ZMAT4: variants seen among roughly 807,000 people sequenced by gnomAD.
ZMAT4 encodes zinc finger matrin-type 4.
In ZMAT4, 17 loss-of-function variants were observed where a neutral mutation model predicts 28.7. The ratio of observed to expected loss-of-function variants is 0.59; its 90% CI spans 0.41 to 0.89. ZMAT4 has a LOEUF of 0.89. Ranked by LOEUF, ZMAT4 falls within the 40% of genes least tolerant of loss-of-function variation. The pLI is 0.00. For synonymous variants in ZMAT4, 117 were observed against 109.2 expected, an observed-to-expected ratio of 1.07 and a Z score of -0.44; for missense variants, 240 against 283.8, an observed-to-expected ratio of 0.85 and a Z score of 1.11.
intron 6 of ZMAT4, among the ~76,000 whole-genome samples, chr8:40,535,561 T>C (rs1264390304): frequency 2.6e-5 from 4 of 151,570 alleles, no homozygotes; most frequent in African/African-American, 9.7e-5. Context: ...CCTAGCTATT[T>C]GGGAGGCTGA....
chr8:40,619,391 G>C (rs908737261), intron 5 of ZMAT4, among the ~76,000 whole-genome samples: 1 of 152,144 alleles, frequency 6.6e-6, no homozygotes, highest in African/African-American at 2.4e-5. Flanking sequence ...AGATTCTTTG[G>C]ATCTCTATAC....
At chr8:40,792,493 AAGGAAGG>A (rs764186211) in intron 2 of ZMAT4, among the ~76,000 whole-genome samples, 4,014 of 24,062 alleles carry the variant, frequency 0.17, 366 homozygotes, top group East Asian at 0.48. Context: ...GGAAGGAAGG[AAGGAAGG>A]AAGGAAGGAA....
chr8:40,595,349 TACAA>T (rs1183497511), intron 5 of ZMAT4, among the ~76,000 whole-genome samples: 1 of 152,166 alleles, frequency 6.6e-6, no homozygotes, highest in African/African-American at 2.4e-5. Context: ...TATAAATGTA[TACAA>T]ACACACACAC....
At chr8:40,706,538 C>T (rs1810359398) in intron 3 of ZMAT4, among the ~76,000 whole-genome samples, 3 of 151,942 alleles carry the variant, frequency 2.0e-5, no homozygotes, top group South Asian at 2.1e-4. Context: ...AATTTTTGGC[C>T]GAATTCATGG....
At chr8:40,762,799 G>A (rs1812992726) in intron 3 of ZMAT4, among the ~76,000 whole-genome samples, 1 of 152,204 alleles carries the variant, frequency 6.6e-6, no homozygotes, top group Non-Finnish European at 1.5e-5. Context: ...CCCTGCCCAT[G>A]CCTCAATTTC....
intron 1 of ZMAT4, among the ~76,000 whole-genome samples, chr8:40,880,372 A>C (rs1818179091): frequency 6.6e-6 from 1 of 151,000 alleles, no homozygotes; most frequent in African/African-American, 2.4e-5. Flanking sequence ...TCCATCTCAA[A>C]AAAAAAAAAA....
Position 40,889,835 on chromosome 8 carries a change from AT to A in ZMAT4, c.-5+7847del, listed in dbSNP as rs202003239. 9.6e-4 allele frequency among the ~76,000 whole-genome samples: 147 copies of A among 152,350 alleles called. 4 individuals carry two copies. The East Asian group carries it at 0.028, about 29-fold the overall frequency. ...ATTCTTAATTAGAACTATTTTGCACATCTCTAACTATTTCCTTAGGATAAAT... is the reference window on the plus strand; with the variant it reads ...ATTCTTAATTAGAACTATTTTGCACACTCTAACTATTTCCTTAGGATAAAT... On this transcript the variant is annotated intron_variant, in intron 1 of 6. Coordinates refer to ENST00000297737, the MANE Select transcript of ZMAT4 (RefSeq NM_024645.3).
At chr8:40,645,955 TC>T (rs1563384091) in intron 5 of ZMAT4, among the ~76,000 whole-genome samples, 1 of 152,028 alleles carries the variant, frequency 6.6e-6, no homozygotes, top group Non-Finnish European at 1.5e-5. Context: ...AATCATAATC[TC>T]CTTATTGTGA....
chr8:40,847,213 A>C (rs1311664796), intron 1 of ZMAT4, among the ~76,000 whole-genome samples: 1 of 84,534 alleles, frequency 1.2e-5, no homozygotes, highest in Admixed American at 1.2e-4. Context: ...AAAAAAACAA[A>C]CAAACAAAAA....
chr8:40,772,920 C>T (rs940254418), intron 2 of ZMAT4, among the ~76,000 whole-genome samples: 5 of 152,082 alleles, frequency 3.3e-5, no homozygotes, highest in African/African-American at 1.2e-4. Flanking sequence ...TGCAAAACAA[C>T]CGGCTGATGC....
chr8:40,839,701 C>G (rs1426836029), intron 1 of ZMAT4, among the ~76,000 whole-genome samples: 2 of 152,128 alleles, frequency 1.3e-5, no homozygotes, highest in Non-Finnish European at 2.9e-5. Flanking sequence ...TGAAACATGC[C>G]AGGCACAGAA....
intron 5 of ZMAT4, among the ~76,000 whole-genome samples, chr8:40,635,310 G>A (rs1806751138): frequency 6.6e-6 from 1 of 152,132 alleles, no homozygotes; most frequent in African/African-American, 2.4e-5. Flanking sequence ...ATAACTAGGG[G>A]AAATTATGTC....
At chr8:40,646,016 AAAG>A (rs1476042254) in intron 5 of ZMAT4, among the ~76,000 whole-genome samples, 2 of 152,054 alleles carry the variant, frequency 1.3e-5, no homozygotes, top group Non-Finnish European at 2.9e-5. Context: ...AATTTCACAC[AAAG>A]AAGTGTCTCC....
At chr8:40,809,883 A>C (rs187540328) in intron 2 of ZMAT4, among the ~76,000 whole-genome samples, 1 of 152,176 alleles carries the variant, frequency 6.6e-6, no homozygotes, top group East Asian at 1.9e-4. Context: ...ATCTCTACTA[A>C]AAATACAAAA....
intron 1 of ZMAT4, among the ~76,000 whole-genome samples, chr8:40,840,837 A>G (rs896701021): frequency 8.5e-5 from 13 of 152,234 alleles, no homozygotes; most frequent in Admixed American, 7.9e-4. Context: ...TTACTATAGT[A>G]CCATCTGACT....
chr8:40,631,246 C>T (rs1322063929), intron 5 of ZMAT4, among the ~76,000 whole-genome samples: 2 of 152,168 alleles, frequency 1.3e-5, no homozygotes, highest in Admixed American at 1.3e-4. Context: ...GATTTCGGCT[C>T]ACTGCAACCT....
chr8:40,840,844 G>C (rs7820040), intron 1 of ZMAT4, among the ~76,000 whole-genome samples: 1,972 of 152,264 alleles, frequency 0.013, 29 homozygotes, highest in African/African-American at 0.044. Context: ...AGTACCATCT[G>C]ACTTGAACCG....
At chr8:40,820,993 G>A (rs1008923408) in intron 2 of ZMAT4, among the ~76,000 whole-genome samples, 2 of 123,600 alleles carry the variant, frequency 1.6e-5, no homozygotes, top group African/African-American at 6.0e-5. Flanking sequence ...GTGTTTATGT[G>A]TGTGTATGTG....
chr8:40,706,739 T>C (rs908248730), intron 3 of ZMAT4, among the ~76,000 whole-genome samples: 3 of 152,098 alleles, frequency 2.0e-5, no homozygotes, highest in Non-Finnish European at 4.4e-5. Flanking sequence ...TTTTCAAGGT[T>C]AGGAACACCA....
Sources: allele counts gnomAD v4.1 joint callset (sites outside exome capture counted in the v4.1 genomes callset), GRCh38; gene constraint gnomAD v4.1.1; transcripts MANE v1.5; gene names NCBI Gene and HGNC (gene_info 2026-07-23, HGNC 2026-07-21).